The following COX7A2 variants were observed in gnomAD, a reference collection of about 807,000 sequenced individuals.
COX7A2 encodes cytochrome c oxidase subunit 7A2, also known as cytochrome c oxidase subunit 7A2, mitochondrial.
COX7A2 carries 11 observed loss-of-function variants against 11.6 expected under a neutral mutation model. The ratio of observed to expected loss-of-function variants is 0.95; its 90% CI spans 0.60 to 1.57. The LOEUF is 1.57. Ranked by LOEUF, COX7A2 falls within the 40% of genes most tolerant of loss-of-function variation. COX7A2 has a pLI of 0.00. For synonymous variants in COX7A2, 30 were observed against 38.2 expected (o/e 0.78, Z 0.79); for missense variants, 106 against 100.9 (o/e 1.05, Z -0.22).
At position 75,243,785 on chromosome 6, in the gene COX7A2, A is replaced by G. The variant is rs564548826; in HGVS notation, c.-51T>C. On this transcript the variant is annotated 5_prime_UTR_variant, in exon 1 of 4. Transcript: ENST00000684430. ...CCACAACTGAACACCACCAACGAAA[A>G]TGGCCACGCCGGAACCGGAACTACC... is the stretch of plus-strand genomic sequence containing the variant. 4 of 1,614,094 alleles carry G rather than the reference A, an allele frequency of 2.5e-6. No individual in the cohort carries two copies. The South Asian group carries it at 4.4e-5, about 18-fold the overall frequency.
chr6:75,248,832 A>G (rs1030115037), intron 1 of COX7A2, among the ~76,000 whole-genome samples: 1 of 152,226 alleles, frequency 6.6e-6, no homozygotes, highest in Non-Finnish European at 1.5e-5. Flanking sequence ...TCTGGAGAAT[A>G]TAATCTAATT....
Position 75,241,273 on chromosome 6 carries a change from G to A in COX7A2, c.19-8C>T, listed in dbSNP as rs756828118. ...CCCAATCTGACGAAGAGCCTAAAAT[G>A]AAAATATTATTAAATAGACTTAGAG... On this transcript the variant is annotated splice_region_variant and splice_polypyrimidine_tract_variant and intron_variant, in intron 1 of 3. Transcript: ENST00000684430. 5 of 1,511,264 alleles carry A rather than the reference G, an allele frequency of 3.3e-6. No homozygotes were observed. The East Asian group carries it at 6.9e-5, about 21-fold the overall frequency. The allele number at this position is 1,511,264 out of a possible 1,614,324, so 93.6% of individuals were successfully genotyped here.
intron 1 of COX7A2, among the ~76,000 whole-genome samples, chr6:75,243,432 G>C (rs922916230): frequency 6.6e-6 from 1 of 152,070 alleles, no homozygotes; most frequent in African/African-American, 2.4e-5. Flanking sequence ...CCTCATCAAT[G>C]ACCGACAGGG....
intron 2 of COX7A2, 59 bp from the exon 3 acceptor site, chr6:75,240,444 G>C: frequency 8.2e-7 from 1 of 1,223,910 alleles, no homozygotes. Flanking sequence ...TTCCAACTAA[G>C]TTTCAAAAGA....
At chr6:75,243,814 G>C, upstream of COX7A2, 2 of 1,614,022 alleles carry the variant, frequency 1.2e-6, no homozygotes, top group Non-Finnish European at 1.7e-6. Context: ...AACTACCTCC[G>C]AGTCTTGCGT....
In COX7A2 at chr6:75,243,708, G is replaced by A. The variant is rs373173596; in HGVS notation, c.18+9C>T. On this transcript the variant is annotated intron_variant, in intron 1 of 3. Coordinates refer to ENST00000684430, the MANE Select transcript of COX7A2 (RefSeq NM_001366293.2). Reference sequence around the variant, plus strand: ...CCCCATCATGAATGCAAGATGAGAAGCTCCTCACCAGCAGATTCCGCAGCA... The same window carrying A: ...CCCCATCATGAATGCAAGATGAGAAACTCCTCACCAGCAGATTCCGCAGCA... 4.3e-6 allele frequency: 7 copies of A among 1,612,362 alleles called. No individual in the cohort carries two copies. Among genetic ancestry groups the A allele is most frequent in the African/African-American group, 1.3e-5 (1 of 74,848 alleles).
chr6:75,245,611 T>C (rs1214383904), upstream of COX7A2, among the ~76,000 whole-genome samples: 3 of 152,064 alleles, frequency 2.0e-5, no homozygotes, highest in East Asian at 1.9e-4. Context: ...TATTAACACA[T>C]TCCCAAATTA....
At chr6:75,241,395 T>C in intron 1 of COX7A2, 130 bp from the exon 2 acceptor site, 1 of 733,366 alleles carries the variant, frequency 1.4e-6, no homozygotes, top group African/African-American at 1.7e-5. Flanking sequence ...AGCAGCAAAG[T>C]CATGCAAGAG....
intron 1 of COX7A2, among the ~76,000 whole-genome samples, chr6:75,242,797 C>T (rs544548150): frequency 1.3e-5 from 2 of 151,730 alleles, no homozygotes; most frequent in South Asian, 2.1e-4. Flanking sequence ...CCAGCCTGGG[C>T]AACAGAGTGA....
upstream of COX7A2, among the ~76,000 whole-genome samples, chr6:75,246,203 T>A (rs1335469541): frequency 6.6e-6 from 1 of 152,192 alleles, no homozygotes; most frequent in African/African-American, 2.4e-5. Context: ...ACTTGAGACA[T>A]CTCCACCTAG....
At chr6:75,243,229 G>C (rs925749074) in intron 1 of COX7A2, among the ~76,000 whole-genome samples, 1 of 152,174 alleles carries the variant, frequency 6.6e-6, no homozygotes, top group African/African-American at 2.4e-5. Flanking sequence ...CTGCACTTCA[G>C]CCATGACTAT....
At chr6:75,242,374 T>G (rs1282669787) in intron 1 of COX7A2, among the ~76,000 whole-genome samples, 1 of 151,530 alleles carries the variant, frequency 6.6e-6, no homozygotes, top group African/African-American at 2.4e-5. Flanking sequence ...GGCATGGTGG[T>G]GCGCACCTGA....
At chr6:75,243,569 G>T in intron 1 of COX7A2, 148 bp downstream of exon 1, 1 of 711,426 alleles carries the variant, frequency 1.4e-6, no homozygotes, top group Non-Finnish European at 2.4e-6. Flanking sequence ...GGAAGGGAAA[G>T]TAAGGTCAGG....
intron 3 of COX7A2, among the ~76,000 whole-genome samples, chr6:75,238,362 TAA>T (rs199577413): frequency 2.7e-5 from 4 of 150,334 alleles, no homozygotes; most frequent in Admixed American, 6.6e-5. Flanking sequence ...AAAGTGAATG[TAA>T]AAAAAAAGAG....
chr6:75,243,992 T>C (rs371976911), upstream of COX7A2: 8 of 594,750 alleles, frequency 1.3e-5, no homozygotes, highest in African/African-American at 1.3e-4. Context: ...AGTAGGCTGG[T>C]CCCTGGAGCT....
chr6:75,242,963 T>A (rs1158293658), intron 1 of COX7A2, among the ~76,000 whole-genome samples: 1 of 152,236 alleles, frequency 6.6e-6, no homozygotes, highest in East Asian at 1.9e-4. Context: ...TCCTAAAAAA[T>A]TTTAAAGAGG....
At chr6:75,247,207 C>G (rs1198717259), upstream of COX7A2, among the ~76,000 whole-genome samples, 1 of 151,224 alleles carries the variant, frequency 6.6e-6, no homozygotes, top group African/African-American at 2.5e-5. Flanking sequence ...GTTACCCAAT[C>G]TTTTTTTTCC....
At chr6:75,248,927 T>G (rs542281845) in intron 1 of COX7A2, among the ~76,000 whole-genome samples, 63 of 152,264 alleles carry the variant, frequency 4.1e-4, no homozygotes, top group Admixed American at 7.2e-4. Context: ...TATGGGAAAT[T>G]CAAAGAAACT....
At chr6:75,243,965 T>C (rs907490600), upstream of COX7A2, 1 of 742,402 alleles carries the variant, frequency 1.3e-6, no homozygotes, top group East Asian at 2.8e-5. Flanking sequence ...ATCTCGTTCC[T>C]GACCTTTTCG....
Sources: gnomAD v4.1 joint callset for allele counts (sites outside exome capture counted in the v4.1 genomes callset) on GRCh38, gnomAD v4.1.1 for gene constraint, MANE v1.5 for transcripts, NCBI Gene and HGNC (gene_info 2026-07-23, HGNC 2026-07-21) for gene names.